SIMC1: variants seen among roughly 807,000 people sequenced by gnomAD.
The protein encoded by SIMC1 is SUMO-interacting motif-containing protein 1.
In SIMC1, 55 loss-of-function variants were observed where a neutral mutation model predicts 82.3. The ratio of observed to expected loss-of-function variants is 0.67; its 90% CI spans 0.54 to 0.84. The LOEUF (loss-of-function observed/expected upper bound fraction) is 0.84, where lower values mean the gene tolerates loss of function less well. Ranked by LOEUF, SIMC1 falls within the 40% of genes least tolerant of loss-of-function variation. The pLI, the probability that SIMC1 is intolerant of heterozygous loss-of-function variation, is 0.00. For missense variants in SIMC1, 915 were observed against 1,107.2 expected (o/e 0.83, Z 2.46); for synonymous variants, 353 against 426.3 (o/e 0.83, Z 2.12).
chr5:176,275,371 G>T (rs1481670323), intron 1 of SIMC1, among the ~76,000 whole-genome samples: 2 of 151,786 alleles, frequency 1.3e-5, no homozygotes, highest in Non-Finnish European at 2.9e-5. Flanking sequence ...GGAGATTTTG[G>T]TCTGAGACAA....
intron 4 of SIMC1, chr5:176,308,275 T>G: frequency 1.3e-6 from 2 of 1,497,512 alleles, no homozygotes; most frequent in Non-Finnish European, 1.9e-6. Context: ...CCATCAGAAT[T>G]GTTCACATTC....
chr5:176,276,627 G>A (rs1412561465), intron 1 of SIMC1, among the ~76,000 whole-genome samples: 4 of 125,008 alleles, frequency 3.2e-5, no homozygotes, highest in South Asian at 2.5e-4. Flanking sequence ...TCCCCAGAGC[G>A]TGATATTCCC....
chr5:176,262,740 G>A (rs190473816), intron 1 of SIMC1, among the ~76,000 whole-genome samples: 1 of 152,312 alleles, frequency 6.6e-6, no homozygotes, highest in African/African-American at 2.4e-5. Context: ...AGGAAGCAGA[G>A]GTTGCAATGA....
intron 4 of SIMC1, among the ~76,000 whole-genome samples, chr5:176,298,049 A>G (rs1266255306): frequency 1.3e-5 from 2 of 152,242 alleles, no homozygotes; most frequent in African/African-American, 4.8e-5. Flanking sequence ...CCATGGAGAC[A>G]CTGAATTAAC....
At chr5:176,306,911 A>G (rs1170900572) in intron 4 of SIMC1, among the ~76,000 whole-genome samples, 1 of 81,698 alleles carries the variant, frequency 1.2e-5, no homozygotes, top group Non-Finnish European at 2.8e-5. Flanking sequence ...TTATCAATAA[A>G]AAAATAAATT....
intron 1 of SIMC1, among the ~76,000 whole-genome samples, chr5:176,271,279 G>C (rs1330019570): frequency 6.6e-6 from 1 of 152,158 alleles, no homozygotes; most frequent in Non-Finnish European, 1.5e-5. Context: ...AGAATCATTT[G>C]AACCCTGGAG....
intron 1 of SIMC1, among the ~76,000 whole-genome samples, chr5:176,252,082 C>CAA (rs1397052612): frequency 2.0e-5 from 3 of 152,220 alleles, no homozygotes; most frequent in Non-Finnish European, 4.4e-5. Context: ...GGCCCGTTCT[C>CAA]AATGAGCTGT....
At chr5:176,261,680 G>A (rs1358590002) in intron 1 of SIMC1, among the ~76,000 whole-genome samples, 1 of 151,872 alleles carries the variant, frequency 6.6e-6, no homozygotes, top group Admixed American at 6.6e-5. Flanking sequence ...CCCAGGAGGT[G>A]GAAGTTGCAT....
Position 176,345,600 on chromosome 5 carries a change from T to C in SIMC1, c.*155T>C. 1 of 757,492 alleles carries C rather than the reference T, an allele frequency of 1.3e-6. No individual in the cohort carries two copies. Among genetic ancestry groups the C allele is most frequent in the South Asian group, 2.4e-5 (1 of 41,568 alleles). 46.9% of individuals were successfully genotyped at this position (757,492 alleles called of 1,614,324 possible). ...TAATTTCTAACTCTAGTAAATATCT[T>C]TTTTTAAATAATCCTATCCTAGCCT... On this transcript the variant is annotated 3_prime_UTR_variant, in exon 10 of 10. Transcript: ENST00000429602.
intron 5 of SIMC1, among the ~76,000 whole-genome samples, chr5:176,318,152 C>T (rs1408178546): frequency 1.3e-5 from 2 of 152,144 alleles, no homozygotes; most frequent in Non-Finnish European, 2.9e-5. Context: ...CAAATGAAGA[C>T]TTGGCCCATG....
At chr5:176,285,828 A>G (rs1308280835) in intron 1 of SIMC1, among the ~76,000 whole-genome samples, 1 of 152,238 alleles carries the variant, frequency 6.6e-6, no homozygotes, top group African/African-American at 2.4e-5. Flanking sequence ...AATCACAAGC[A>G]TTCTTATGCA....
rs1450571701 is a variant in SIMC1, at chr5:176,324,853, G to T, written c.2171+96G>T. 4.4e-6 allele frequency: 6 copies of T among 1,372,102 alleles called. No individual in the cohort carries two copies. The South Asian group carries it at 7.8e-5, about 18-fold the overall frequency. 85.0% of individuals were successfully genotyped at this position (1,372,102 alleles called of 1,614,324 possible). A position where few individuals can be genotyped will look rare whatever the true frequency, so the allele number is the denominator to read the frequency against. On this transcript the variant is annotated intron_variant, in intron 7 of 9. Coordinates refer to ENST00000429602, the MANE Select transcript of SIMC1 (RefSeq NM_001308195.2). ...TTATTAAATTAACTTTTCTATCTAT[G>T]CTACCTGTCAGGAACAGAATTTTAC...
intron 9 of SIMC1, 45 bp from the exon 10 acceptor site, chr5:176,345,138 A>C: frequency 6.4e-7 from 1 of 1,567,774 alleles, no homozygotes; most frequent in South Asian, 1.2e-5. Context: ...AAAAAGAATT[A>C]AAAAGCAGTT....
At chr5:176,330,400 C>CAAA (rs554910341) in intron 7 of SIMC1, among the ~76,000 whole-genome samples, 1 of 94,196 alleles carries the variant, frequency 1.1e-5, no homozygotes, top group Admixed American at 1.1e-4. Flanking sequence ...GTCTCCATCT[C>CAAA]AAAAAAAAAA....
At chr5:176,296,127 A>G (rs13156624) in intron 3 of SIMC1, 124 bp from the exon 4 acceptor site, 3 of 1,516,842 alleles carry the variant, frequency 2.0e-6, no homozygotes, top group Non-Finnish European at 1.8e-6. Context: ...GATACCAGAA[A>G]GTGAGCAAGA....
chr5:176,257,968 A>G (rs1261768043), intron 1 of SIMC1, among the ~76,000 whole-genome samples: 1 of 152,250 alleles, frequency 6.6e-6, no homozygotes, highest in Non-Finnish European at 1.5e-5. Flanking sequence ...TGGGAGGTAA[A>G]ATTGCACCAG....
intron 1 of SIMC1, among the ~76,000 whole-genome samples, chr5:176,280,153 T>G (rs11750126): frequency 0.58 from 88,626 of 151,624 alleles, 25,976 homozygotes; most frequent in Middle Eastern, 0.63. Flanking sequence ...TGAATCTGGG[T>G]GCTCCTGTAT....
Position 176,322,363 on chromosome 5 carries a change from CTTGAAAGCCAG to C in SIMC1, c.1981_1991del (p.Leu661GlnfsTer2). 6.2e-7 allele frequency: 1 copy of C among 1,605,684 alleles called. No individual in the cohort carries two copies. The highest frequency in any genetic ancestry group is 8.5e-7 in the Non-Finnish European group (1 of 1,176,152). Reference sequence around the variant, plus strand: ...ATCAAACGTCTTCAGGAACAGGAATCTTGAAAGCCAGCAGTAGCCACCCTTCTTCCCAGCCC... The same window carrying C: ...ATCAAACGTCTTCAGGAACAGGAATCCAGTAGCCACCCTTCTTCCCAGCCC... On this transcript the variant is annotated frameshift_variant, in exon 6 of 10. Coordinates refer to ENST00000429602, the MANE Select transcript of SIMC1 (RefSeq NM_001308195.2). LOFTEE classifies it high-confidence loss of function.
chr5:176,322,458 C>G, intron 6 of SIMC1, 33 bp downstream of exon 6: 2 of 1,590,336 alleles, frequency 1.3e-6, no homozygotes. Flanking sequence ...TCCTGGGGCT[C>G]TTGGGGTTTA....
Sources: gnomAD v4.1 joint callset for allele counts (sites outside exome capture counted in the v4.1 genomes callset) on GRCh38, gnomAD v4.1.1 for gene constraint, MANE v1.5 for transcripts, NCBI Gene and HGNC (gene_info 2026-07-23, HGNC 2026-07-21) for gene names.